The following SAXO1 variants were observed in gnomAD, a reference collection of about 807,000 sequenced individuals.
SAXO1 encodes the protein stabilizer of axonemal microtubules 1.
In SAXO1, 21 loss-of-function variants were observed where a neutral mutation model predicts 17.5. That is an observed-to-expected ratio of 1.20 (90% CI 0.85 to 1.72). The LOEUF (loss-of-function observed/expected upper bound fraction) is 1.72. SAXO1 is among the 40% of genes most tolerant of loss of function. The pLI is 0.00. For missense variants in SAXO1, 843 were observed against 596.0 expected (o/e 1.41, Z -4.32); for synonymous variants, 274 against 216.5 (o/e 1.27, Z -2.33).
Position 18,941,698 on chromosome 9 carries a change from G to C in SAXO1, c.360C>G (p.Ile120Met), listed in dbSNP as rs763781591. The change falls in exon 3 of 4, where the codon ATC (isoleucine) becomes ATG (methionine). Residue 120 changes from isoleucine (I) to methionine (M), a missense_variant. Coordinates refer to ENST00000380534, the MANE Select transcript of SAXO1 (RefSeq NM_153707.4). ...ATGGATATTTACTGTCCCGAGGTTT[G>C]ATGGGGTCCACTCGACAGACAGGGT... is the stretch of plus-strand genomic sequence containing the variant. ...NPYPVCRVDPIKPRDSKYPCS... is the reference protein window; with the variant it reads ...NPYPVCRVDPMKPRDSKYPCS... 21 of 1,614,042 alleles carry C rather than the reference G, an allele frequency of 1.3e-5. No homozygotes were observed. In the African/African-American group the frequency reaches 1.3e-4, roughly 10 times the overall value.
intron 2 of SAXO1, among the ~76,000 whole-genome samples, chr9:18,942,766 A>G (rs1203452504): frequency 6.6e-6 from 1 of 152,208 alleles, no homozygotes; most frequent in Non-Finnish European, 1.5e-5. Context: ...CGCCCTAAGG[A>G]GCCAGGGCTT....
intron 1 of SAXO1, among the ~76,000 whole-genome samples, chr9:19,020,417 C>T (rs1588544357): frequency 1.3e-5 from 2 of 151,460 alleles, no homozygotes; most frequent in Non-Finnish European, 1.5e-5. Context: ...GATCTCAGCT[C>T]ACTGCATCAC....
At chr9:18,973,418 G>A (rs898535678) in intron 1 of SAXO1, among the ~76,000 whole-genome samples, 1 of 152,230 alleles carries the variant, frequency 6.6e-6, no homozygotes, top group Non-Finnish European at 1.5e-5. Context: ...CATGCCAAGT[G>A]AAATTTCAGA....
chr9:19,027,574 C>T (rs2131038886), intron 1 of SAXO1: 1 of 1,384,684 alleles, frequency 7.2e-7, no homozygotes, highest in Non-Finnish European at 1.0e-6. Context: ...CTAAGGCCAC[C>T]TTCCTAAAGC....
chr9:18,928,896 G>A lies in SAXO1; in HGVS notation c.581C>T (p.Pro194Leu), dbSNP rs748882180. 1.2e-6 allele frequency: 2 copies of A among 1,613,970 alleles called. No individual in the cohort carries two copies. The highest frequency in any genetic ancestry group is 1.7e-6 in the Non-Finnish European group (2 of 1,180,034). Residue 194 changes from proline to leucine, a missense_variant, in exon 4 of 4, where the codon CCA becomes CTA. Coordinates refer to ENST00000380534, the MANE Select transcript of SAXO1 (RefSeq NM_153707.4). ...CTCCAAGGGGATGTTACAGAGCTTT[G>A]GCATGGCCAGAGGTTTACAGCTTAT... ...KTISCKPLAM[P>L]KLCNIPLEDV... is the part of the protein sequence containing the mutation.
Position 19,033,165 on chromosome 9 carries a change from C to G in SAXO1, c.-257G>C. The G allele has an allele frequency of 2.3e-6, 1 of 428,000 alleles. No individual in the cohort carries two copies. Among genetic ancestry groups the G allele is most frequent in the Non-Finnish European group, 4.1e-6 (1 of 241,098 alleles). The allele number at this position is 428,000 out of a possible 1,614,324, so 26.5% of individuals were successfully genotyped here. A position where few individuals can be genotyped will look rare whatever the true frequency, so the allele number is the denominator to read the frequency against. ...GGAGACCTCACCCTGCACGCCACCG[C>G]CCCGGCCTCCGCAGTCCAGACTTAA... On this transcript the variant is annotated 5_prime_UTR_variant, in exon 1 of 4. Coordinates refer to ENST00000380534, the MANE Select transcript of SAXO1 (RefSeq NM_153707.4).
intron 1 of SAXO1, among the ~76,000 whole-genome samples, chr9:19,000,056 A>C (rs1487705246): frequency 2.8e-4 from 21 of 74,710 alleles, no homozygotes; most frequent in African/African-American, 3.7e-4. Flanking sequence ...AGCCGCCACA[A>C]CATCTGGGAA....
intron 1 of SAXO1, among the ~76,000 whole-genome samples, chr9:19,022,024 C>T (rs1417825017): frequency 6.6e-6 from 1 of 152,224 alleles, no homozygotes; most frequent in Non-Finnish European, 1.5e-5. Context: ...TGTTCTTTTG[C>T]TCTTCACAAT....
At chr9:19,001,580 T>C (rs1037583632) in intron 1 of SAXO1, among the ~76,000 whole-genome samples, 3 of 150,004 alleles carry the variant, frequency 2.0e-5, no homozygotes, top group Non-Finnish European at 4.4e-5. Context: ...GGCAGGAGAA[T>C]GGCATGAACC....
At chr9:18,971,382 C>G (rs1455632356) in intron 1 of SAXO1, among the ~76,000 whole-genome samples, 1 of 152,066 alleles carries the variant, frequency 6.6e-6, no homozygotes, top group Non-Finnish European at 1.5e-5. Context: ...TGTATCAGGG[C>G]TAATCTATAT....
At chr9:18,963,940 G>C (rs997646705) in intron 1 of SAXO1, among the ~76,000 whole-genome samples, 6 of 152,142 alleles carry the variant, frequency 3.9e-5, no homozygotes, top group African/African-American at 1.4e-4. Flanking sequence ...GTCATAAATA[G>C]TTCTTATTGA....
At chr9:19,048,970 C>T (rs1022837892) in intron 1 of SAXO1, among the ~76,000 whole-genome samples, 3 of 152,262 alleles carry the variant, frequency 2.0e-5, no homozygotes, top group Non-Finnish European at 4.4e-5. Flanking sequence ...CTACAAGTCT[C>T]ACTTTCCGCG....
intron 1 of SAXO1, among the ~76,000 whole-genome samples, chr9:19,044,271 T>C (rs1027887367): frequency 1.3e-5 from 2 of 152,208 alleles, no homozygotes; most frequent in African/African-American, 2.4e-5. Context: ...CTCATAAATA[T>C]ATACACCTAC....
At chr9:19,040,208 T>A (rs981437288) in intron 1 of SAXO1, among the ~76,000 whole-genome samples, 1 of 152,238 alleles carries the variant, frequency 6.6e-6, no homozygotes, top group Admixed American at 6.5e-5. Flanking sequence ...GGGTAGAGTT[T>A]ACATGCTTTT....
intron 1 of SAXO1, among the ~76,000 whole-genome samples, chr9:18,991,717 T>G (rs1293597451): frequency 6.6e-6 from 1 of 152,044 alleles, no homozygotes; most frequent in South Asian, 2.1e-4. Flanking sequence ...AAGTACAATT[T>G]AAAAAAATTA....
intron 1 of SAXO1, among the ~76,000 whole-genome samples, chr9:19,028,403 G>T (rs1236628830): frequency 6.6e-6 from 1 of 152,128 alleles, no homozygotes; most frequent in Non-Finnish European, 1.5e-5. Flanking sequence ...AAACTCTTCG[G>T]AGTAGCATTT....
chr9:19,010,270 G>A (rs1237300680), intron 1 of SAXO1, among the ~76,000 whole-genome samples: 1 of 152,150 alleles, frequency 6.6e-6, no homozygotes, highest in Non-Finnish European at 1.5e-5. Context: ...CCAGTGCCAC[G>A]TGCAGTAGAG....
At chr9:18,966,939 C>T (rs1377919567) in intron 1 of SAXO1, among the ~76,000 whole-genome samples, 1 of 152,138 alleles carries the variant, frequency 6.6e-6, no homozygotes, top group Non-Finnish European at 1.5e-5. Context: ...TGTGGGCATG[C>T]TTTTTGTTGA....
intron 1 of SAXO1, among the ~76,000 whole-genome samples, chr9:19,038,797 G>T (rs540130862): frequency 6.6e-6 from 1 of 151,808 alleles, no homozygotes; most frequent in Non-Finnish European, 1.5e-5. Flanking sequence ...TGTGCAGCCA[G>T]CCCTTGTGAG....
Sources: gnomAD v4.1 joint callset for allele counts (sites outside exome capture counted in the v4.1 genomes callset) on GRCh38, gnomAD v4.1.1 for gene constraint, MANE v1.5 for transcripts, NCBI Gene and HGNC (gene_info 2026-07-23, HGNC 2026-07-21) for gene names.